The following ANO1 variants were observed in gnomAD, a reference collection of about 807,000 sequenced individuals.
ANO1 encodes the protein anoctamin-1.
A neutral mutation model predicts 124.0 loss-of-function variants in ANO1; 59 were observed. That is an observed-to-expected ratio of 0.48 (90% CI 0.39 to 0.59). The LOEUF (loss-of-function observed/expected upper bound fraction) is 0.59, where lower values mean the gene tolerates loss of function less well. ANO1 is among the 20% of genes least tolerant of loss of function. ANO1 has a pLI of 0.00. For synonymous variants in ANO1, 529 were observed against 532.0 expected, an observed-to-expected ratio of 0.99 and a Z score of 0.08; for missense variants, 1,059 against 1,328.0, an observed-to-expected ratio of 0.80 and a Z score of 3.15.
chr11:70,183,298 G>T (rs1206517791), intron 24 of ANO1, among the ~76,000 whole-genome samples: 1 of 152,176 alleles, frequency 6.6e-6, no homozygotes, highest in African/African-American at 2.4e-5. Context: ...TGATGAAAAG[G>T]ATCCCTAGCA....
intron 1 of ANO1, among the ~76,000 whole-genome samples, chr11:70,070,979 G>A (rs1297743988): frequency 2.0e-5 from 3 of 152,244 alleles, no homozygotes; most frequent in South Asian, 2.1e-4. Flanking sequence ...CAACCGCATC[G>A]CTTCCACTTG....
intron 20 of ANO1, among the ~76,000 whole-genome samples, chr11:70,166,195 G>A (rs1243710117): frequency 6.6e-6 from 1 of 152,254 alleles, no homozygotes; most frequent in East Asian, 1.9e-4. Context: ...GCGGGCGCCT[G>A]TAGTCCCAGC....
chr11:69,991,215 A>C (rs1391820276), intron 1 of ANO1, among the ~76,000 whole-genome samples: 1 of 152,190 alleles, frequency 6.6e-6, no homozygotes, highest in Non-Finnish European at 1.5e-5. Context: ...TGTTGAAAAG[A>C]CTGTTCTGTA....
chr11:70,010,179 G>GTATATATATATGTATATATATATATATA (rs1555000857), intron 1 of ANO1, among the ~76,000 whole-genome samples: 1 of 83,776 alleles, frequency 1.2e-5, no homozygotes, highest in African/African-American at 4.7e-5. Flanking sequence ...GTGTGTGTGT[G>GTATATATATATGTATATATATATATATA]TATATATATA....
intron 22 of ANO1, among the ~76,000 whole-genome samples, chr11:70,175,171 T>C (rs2048644014): frequency 6.6e-6 from 1 of 152,206 alleles, no homozygotes; most frequent in Admixed American, 6.5e-5. Context: ...CCGCAGTCCC[T>C]CTGCAGGCAT....
chr11:70,155,759 A>G (rs1174369487), intron 14 of ANO1, among the ~76,000 whole-genome samples, 152 bp from the exon 15 acceptor site: 1 of 152,214 alleles, frequency 6.6e-6, no homozygotes, highest in Non-Finnish European at 1.5e-5. Context: ...TAAAACGCCC[A>G]GAACCCGAGT....
At chr11:70,001,417 G>A (rs1438619732) in intron 1 of ANO1, among the ~76,000 whole-genome samples, 1 of 152,162 alleles carries the variant, frequency 6.6e-6, no homozygotes, top group Middle Eastern at 3.4e-3. Flanking sequence ...TGGAAGCTCC[G>A]CAGGGCCTGT....
chr11:70,087,618 C>A, intron 1 of ANO1, 134 bp from the exon 2 acceptor site: 8 of 849,680 alleles, frequency 9.4e-6, no homozygotes, highest in Middle Eastern at 3.6e-4. Context: ...CAGTGCCTGG[C>A]CCGTGGAGGG....
intron 1 of ANO1, among the ~76,000 whole-genome samples, chr11:70,031,956 C>A (rs552340325): frequency 2.7e-4 from 41 of 152,322 alleles, no homozygotes; most frequent in African/African-American, 3.6e-4. Flanking sequence ...CCCAACCCCC[C>A]CTCCTCACGG....
chr11:70,148,315 T>C (rs1206148516), intron 11 of ANO1, among the ~76,000 whole-genome samples: 2 of 152,148 alleles, frequency 1.3e-5, no homozygotes, highest in East Asian at 3.9e-4. Context: ...CTACCTCCTA[T>C]GATCACCGTG....
chr11:70,186,547 G>A (rs980716644), intron 25 of ANO1, among the ~76,000 whole-genome samples: 10 of 152,128 alleles, frequency 6.6e-5, no homozygotes, highest in African/African-American at 2.2e-4. Context: ...AGCCCCAGCT[G>A]GCCCAGTCTC....
intron 22 of ANO1, among the ~76,000 whole-genome samples, chr11:70,179,704 C>T (rs548052070): frequency 1.1e-4 from 17 of 152,212 alleles, no homozygotes; most frequent in Non-Finnish European, 2.2e-4. Flanking sequence ...TTCATCTAAG[C>T]GAACTAGCAT....
chr11:69,973,748 T>A, the ANO1 span, among the ~76,000 whole-genome samples: 3 of 151,710 alleles, frequency 2.0e-5, no homozygotes, highest in East Asian at 5.9e-4. Context: ...GGTGCGTGCC[T>A]GTAATCCCAG....
At chr11:70,042,628 G>A (rs1857202180) in intron 1 of ANO1, among the ~76,000 whole-genome samples, 1 of 152,178 alleles carries the variant, frequency 6.6e-6, no homozygotes, top group African/African-American at 2.4e-5. Context: ...ATAAGCATGA[G>A]AGGAAACTAC....
intron 1 of ANO1, among the ~76,000 whole-genome samples, chr11:70,084,917 G>A (rs756844442): frequency 6.6e-6 from 1 of 152,164 alleles, no homozygotes; most frequent in Admixed American, 6.5e-5. Context: ...ACCCGTGGGA[G>A]CCTCAGTTTC....
intron 1 of ANO1, among the ~76,000 whole-genome samples, chr11:70,059,258 G>A (rs1326236074): frequency 2.0e-5 from 3 of 150,066 alleles, no homozygotes; most frequent in Non-Finnish European, 4.4e-5. Flanking sequence ...GGCTGAGGCA[G>A]GAGAATGGCA....
At chr11:70,152,256 A>AC (rs2047630236) in intron 12 of ANO1, among the ~76,000 whole-genome samples, 194 bp from the exon 13 acceptor site, 3 of 145,278 alleles carry the variant, frequency 2.1e-5, no homozygotes, top group Non-Finnish European at 4.5e-5. Flanking sequence ...AATCACTTGA[A>AC]CCCGGGAGGC....
chr11:70,077,817 T>A (rs2044082013), upstream of ANO1, among the ~76,000 whole-genome samples: 1 of 152,148 alleles, frequency 6.6e-6, no homozygotes, highest in African/African-American at 2.4e-5. Flanking sequence ...CACTAAGCAC[T>A]CCGTAAACTC....
At chr11:70,089,548 C>G (rs2044537078) in intron 2 of ANO1, among the ~76,000 whole-genome samples, 2 of 152,176 alleles carry the variant, frequency 1.3e-5, no homozygotes, top group Non-Finnish European at 1.5e-5. Context: ...CTTTCACCTT[C>G]CTGAGGTCTG....
Sources: gnomAD v4.1 joint callset for allele counts (sites outside exome capture counted in the v4.1 genomes callset) on GRCh38, gnomAD v4.1.1 for gene constraint, MANE v1.5 for transcripts, NCBI Gene and HGNC (gene_info 2026-07-23, HGNC 2026-07-21) for gene names.